Variants in CDH13 observed in about 807,000 individuals in gnomAD.
The protein encoded by CDH13 is cadherin 13.
A neutral mutation model predicts 63.8 loss-of-function variants in CDH13; 24 were observed. That is an observed-to-expected ratio of 0.38 (90% CI 0.27 to 0.53). CDH13 has a LOEUF of 0.53. CDH13 is among the 20% of genes least tolerant of loss of function. CDH13 has a pLI of 0.85. For synonymous variants in CDH13, 503 were observed against 355.3 expected (o/e 1.42, Z -4.67); for missense variants, 1,049 against 903.1 (o/e 1.16, Z -2.07).
chr16:83,682,602 T>A (rs1915497711), intron 10 of CDH13, among the ~76,000 whole-genome samples: 1 of 152,160 alleles, frequency 6.6e-6, no homozygotes, highest in South Asian at 2.1e-4. Context: ...CAGTTGCTGC[T>A]GTGTCCCGAG....
At chr16:82,861,819 T>C (rs1016633411) in intron 2 of CDH13, among the ~76,000 whole-genome samples, 21 of 152,186 alleles carry the variant, frequency 1.4e-4, no homozygotes, top group Admixed American at 2.0e-4. Context: ...GACCAAAACA[T>C]AGCATTCAGC....
intron 3 of CDH13, among the ~76,000 whole-genome samples, chr16:83,051,884 C>G (rs563402265): frequency 6.6e-6 from 1 of 152,290 alleles, no homozygotes; most frequent in African/African-American, 2.4e-5. Flanking sequence ...TCTGAGGCGT[C>G]TTTCTTTCCT....
chr16:83,708,990 C>G (rs559984903), intron 10 of CDH13, among the ~76,000 whole-genome samples: 2 of 151,970 alleles, frequency 1.3e-5, no homozygotes, highest in Non-Finnish European at 2.9e-5. Flanking sequence ...TGCCACTGCC[C>G]TCTAGTCTGG....
intron 5 of CDH13, among the ~76,000 whole-genome samples, chr16:83,326,088 A>G (rs897135810): frequency 5.3e-5 from 8 of 152,202 alleles, no homozygotes; most frequent in African/African-American, 1.9e-4. Context: ...ATCTGAATTG[A>G]TAGCAATACC....
chr16:83,502,884 G>A (rs2074313439), intron 7 of CDH13, among the ~76,000 whole-genome samples: 1 of 152,164 alleles, frequency 6.6e-6, no homozygotes, highest in Admixed American at 6.5e-5. Context: ...TCGACAGTGG[G>A]GTCTCCCTAG....
At chr16:83,400,426 G>A (rs963683035) in intron 6 of CDH13, among the ~76,000 whole-genome samples, 3 of 152,132 alleles carry the variant, frequency 2.0e-5, no homozygotes, top group Non-Finnish European at 4.4e-5. Context: ...TCCAGGATGG[G>A]GTCATAGTGC....
chr16:83,021,801 G>A (rs1398878220), intron 2 of CDH13, among the ~76,000 whole-genome samples: 1 of 152,172 alleles, frequency 6.6e-6, no homozygotes, highest in Non-Finnish European at 1.5e-5. Context: ...CCTTATAGAA[G>A]CTCTGCAATG....
At position 82,865,317 on chromosome 16, in the gene CDH13, C is replaced by G. The variant is rs148812046; in HGVS notation, c.157+6844C>G. On this transcript the variant is annotated intron_variant, in intron 2 of 13. Coordinates refer to ENST00000567109, the MANE Select transcript of CDH13 (RefSeq NM_001257.5). Reference sequence around the variant, plus strand: ...GTGGGGATTTCAACCCCACATTTCCCTTCTGCACTGCCTTAGCAGAAATTC... The same window carrying G: ...GTGGGGATTTCAACCCCACATTTCCGTTCTGCACTGCCTTAGCAGAAATTC... Among the ~76,000 whole-genome samples the G allele has an allele frequency of 1.1e-4, 17 of 152,358 alleles. 1 individual carries two copies. In the East Asian group the frequency reaches 2.9e-3, roughly 26 times the overall value.
chr16:82,817,606 C>CCA (rs1467799135), intron 1 of CDH13, among the ~76,000 whole-genome samples: 1 of 152,070 alleles, frequency 6.6e-6, no homozygotes, highest in Non-Finnish European at 1.5e-5. Flanking sequence ...GAGTTCAAGA[C>CCA]CAGCCTGGCC....
intron 1 of CDH13, among the ~76,000 whole-genome samples, chr16:82,642,078 A>C (rs2150889325): frequency 7.3e-6 from 1 of 136,472 alleles, no homozygotes; most frequent in South Asian, 2.5e-4. Context: ...TGAAACTAAC[A>C]GCTCATGGAG....
At chr16:82,665,139 A>AAACAAATATCCTTTTCATG (rs1165903111) in intron 1 of CDH13, among the ~76,000 whole-genome samples, 1 of 152,196 alleles carries the variant, frequency 6.6e-6, no homozygotes, top group Non-Finnish European at 1.5e-5. Context: ...TTCATACTAC[A>AAACAAATATCCTTTTCATG]AACAAATATC....
At chr16:83,734,074 C>T (rs988839518) in intron 10 of CDH13, among the ~76,000 whole-genome samples, 1 of 152,124 alleles carries the variant, frequency 6.6e-6, no homozygotes, top group Non-Finnish European at 1.5e-5. Context: ...TGTGACCATC[C>T]ATGTACTCCA....
chr16:83,000,165 C>G (rs377397792), intron 2 of CDH13, among the ~76,000 whole-genome samples: 1 of 133,134 alleles, frequency 7.5e-6, no homozygotes, highest in Non-Finnish European at 1.6e-5. Flanking sequence ...ATTTTTACAT[C>G]TTATTGGGCA....
At chr16:83,780,501 C>G (rs1471190186) in intron 12 of CDH13, among the ~76,000 whole-genome samples, 7 of 152,172 alleles carry the variant, frequency 4.6e-5, no homozygotes, top group African/African-American at 7.2e-5. Flanking sequence ...TAGTATAACT[C>G]CAATATTCTA....
intron 5 of CDH13, among the ~76,000 whole-genome samples, chr16:83,297,537 T>A (rs944461327): frequency 9.9e-5 from 15 of 152,118 alleles, no homozygotes; most frequent in African/African-American, 3.4e-4. Context: ...GCACTCTTGT[T>A]TCTCACTGAA....
At chr16:82,973,502 C>T (rs575169011) in intron 2 of CDH13, among the ~76,000 whole-genome samples, 2 of 152,318 alleles carry the variant, frequency 1.3e-5, no homozygotes, top group South Asian at 2.1e-4. Context: ...AGGCATTGTG[C>T]TGCTCTTGAA....
intron 2 of CDH13, among the ~76,000 whole-genome samples, chr16:82,995,618 C>T (rs1311407870): frequency 6.6e-6 from 1 of 152,108 alleles, no homozygotes; most frequent in Non-Finnish European, 1.5e-5. Flanking sequence ...TTGCTTTAAA[C>T]TACTGAATCT....
chr16:83,317,933 A>C (rs1235133981), intron 5 of CDH13, among the ~76,000 whole-genome samples: 4 of 152,178 alleles, frequency 2.6e-5, no homozygotes. Context: ...GGGGACTAGC[A>C]CCCAAGTTTT....
At chr16:82,911,471 C>T (rs1021708166) in intron 2 of CDH13, among the ~76,000 whole-genome samples, 5 of 152,152 alleles carry the variant, frequency 3.3e-5, no homozygotes, top group African/African-American at 7.2e-5. Context: ...GGGCTACATA[C>T]GGAATCTTGA....
Sources: allele counts gnomAD v4.1 joint callset (sites outside exome capture counted in the v4.1 genomes callset), GRCh38; gene constraint gnomAD v4.1.1; transcripts MANE v1.5; gene names NCBI Gene and HGNC (gene_info 2026-07-23, HGNC 2026-07-21).